The following TAFA2 variants were observed in gnomAD, a reference collection of about 807,000 sequenced individuals.
TAFA2 encodes the protein chemokine-like protein TAFA-2.
In TAFA2, 7 loss-of-function variants were observed where a neutral mutation model predicts 18.8. The observed-to-expected ratio is 0.37, with a 90% CI of 0.21 to 0.70. TAFA2 has a LOEUF of 0.70. TAFA2 is among the 30% of genes least tolerant of loss of function. TAFA2 has a pLI of 0.53. For synonymous variants in TAFA2, 60 were observed against 54.2 expected, an observed-to-expected ratio of 1.11 and a Z score of -0.47; for missense variants, 122 against 158.1, an observed-to-expected ratio of 0.77 and a Z score of 1.23.
intron 1 of TAFA2, among the ~76,000 whole-genome samples, chr12:62,174,441 T>C (rs1303040032): frequency 1.3e-5 from 2 of 151,996 alleles, no homozygotes; most frequent in Non-Finnish European, 2.9e-5. Flanking sequence ...AAAGAAAGTA[T>C]CATAGAAATA....
At chr12:62,009,726 C>T (rs973804610) in intron 1 of TAFA2, among the ~76,000 whole-genome samples, 3 of 152,154 alleles carry the variant, frequency 2.0e-5, no homozygotes, top group African/African-American at 7.2e-5. Flanking sequence ...CCTTGTTTTG[C>T]AGATGAGGAA....
At chr12:61,912,032 C>T (rs997293367) in intron 1 of TAFA2, among the ~76,000 whole-genome samples, 1 of 152,160 alleles carries the variant, frequency 6.6e-6, no homozygotes, top group Non-Finnish European at 1.5e-5. Context: ...CTGATAGTTG[C>T]AATTTATCAA....
chr12:62,010,658 T>A (rs1379157834), intron 1 of TAFA2, among the ~76,000 whole-genome samples: 2 of 151,148 alleles, frequency 1.3e-5, no homozygotes, highest in African/African-American at 4.9e-5. Context: ...CCGCCCTTAC[T>A]CTGGGAGGTG....
At chr12:62,214,041 C>T (rs1279757863) in intron 1 of TAFA2, among the ~76,000 whole-genome samples, 2 of 152,158 alleles carry the variant, frequency 1.3e-5, no homozygotes, top group African/African-American at 4.8e-5. Context: ...GAACTAAGAA[C>T]CTAATGAAAG....
intron 1 of TAFA2, among the ~76,000 whole-genome samples, chr12:62,009,106 T>C (rs184195879): frequency 1.3e-5 from 2 of 152,282 alleles, no homozygotes; most frequent in South Asian, 4.1e-4. Context: ...AATGAGAACT[T>C]CAGTATCTGG....
intron 1 of TAFA2, among the ~76,000 whole-genome samples, chr12:62,190,330 A>G (rs548450551): frequency 6.6e-6 from 1 of 152,278 alleles, no homozygotes; most frequent in African/African-American, 2.4e-5. Context: ...TTCCTTTGCA[A>G]AGCCAGTTTC....
rs140612320 is a variant in TAFA2 at position 61,954,540 on chromosome 12, A to AAC, written c.-1-87116_-1-87115dup. Among the ~76,000 whole-genome samples the AAC allele has an allele frequency of 4.8e-3, 729 of 151,014 alleles. 4 individuals carry two copies. The highest frequency in any genetic ancestry group is 0.012 in the African/African-American group (488 of 41,222). ...TGTGTAGTTACTAATTAAAACACAA[A>AAC]ACACACACACACACACACAAAATTT... On this transcript the variant is annotated intron_variant, in intron 1 of 4. Transcript: ENST00000416284.
intron 1 of TAFA2, among the ~76,000 whole-genome samples, chr12:61,940,842 G>T (rs1228180978): frequency 1.3e-5 from 2 of 152,094 alleles, no homozygotes; most frequent in East Asian, 3.9e-4. Flanking sequence ...GAATACTATG[G>T]TTATGAGCTT....
At chr12:62,014,227 T>C (rs532707911) in intron 1 of TAFA2, among the ~76,000 whole-genome samples, 199 of 152,328 alleles carry the variant, frequency 1.3e-3, no homozygotes, top group Middle Eastern at 3.4e-3. Context: ...AACACATTAG[T>C]GGACCAACTT....
chr12:61,889,083 G>A (rs544708176), intron 1 of TAFA2, among the ~76,000 whole-genome samples: 55 of 152,170 alleles, frequency 3.6e-4, no homozygotes, highest in African/African-American at 7.9e-4. Context: ...TTCATCTCCC[G>A]TCTACAGAGT....
intron 2 of TAFA2, among the ~76,000 whole-genome samples, chr12:61,857,408 T>G (rs1481075241): frequency 2.0e-5 from 3 of 152,200 alleles, no homozygotes; most frequent in Non-Finnish European, 2.9e-5. Flanking sequence ...GCCAGTATTT[T>G]CAGAGTGGTG....
chr12:62,165,996 CA>C (rs1307893576), intron 1 of TAFA2, among the ~76,000 whole-genome samples: 1 of 148,260 alleles, frequency 6.7e-6, no homozygotes, highest in Non-Finnish European at 1.5e-5. Context: ...ACAGAATTTG[CA>C]AAAATGATCT....
chr12:61,734,124 G>A (rs948524226), intron 4 of TAFA2, among the ~76,000 whole-genome samples: 1 of 150,486 alleles, frequency 6.6e-6, no homozygotes, highest in African/African-American at 2.4e-5. Flanking sequence ...CATTGATTTT[G>A]TATCCTGAGA....
intron 2 of TAFA2, among the ~76,000 whole-genome samples, chr12:61,784,005 G>A (rs989031696): frequency 6.6e-6 from 1 of 151,372 alleles, no homozygotes; most frequent in South Asian, 2.1e-4. Flanking sequence ...AGAAATAGGA[G>A]GCATAAAAAC....
At chr12:61,771,103 A>C (rs545147838) in intron 2 of TAFA2, among the ~76,000 whole-genome samples, 7 of 152,180 alleles carry the variant, frequency 4.6e-5, no homozygotes, top group African/African-American at 1.7e-4. Context: ...TTATTCTTAC[A>C]TCAGACAAAA....
At chr12:61,870,414 C>G (rs1874547594) in intron 1 of TAFA2, among the ~76,000 whole-genome samples, 1 of 152,168 alleles carries the variant, frequency 6.6e-6, no homozygotes, top group Non-Finnish European at 1.5e-5. Context: ...ATTTTGTTGA[C>G]TAAATGTAAT....
chr12:62,211,579 C>CAA (rs10708260), intron 1 of TAFA2, among the ~76,000 whole-genome samples: 13 of 128,204 alleles, frequency 1.0e-4, no homozygotes, highest in East Asian at 6.7e-4. Flanking sequence ...GGCTCCGTCT[C>CAA]AAAAAAAAAA....
At chr12:62,147,014 A>G (rs1042663948) in intron 1 of TAFA2, among the ~76,000 whole-genome samples, 1 of 151,860 alleles carries the variant, frequency 6.6e-6, no homozygotes, top group Non-Finnish European at 1.5e-5. Context: ...ATAAAGCTGC[A>G]TACCTACAAC....
intron 1 of TAFA2, among the ~76,000 whole-genome samples, chr12:62,257,167 T>TGTGTATATGTATATATACACA (rs2062944188): frequency 1.3e-5 from 1 of 76,706 alleles, no homozygotes; most frequent in East Asian, 6.5e-4. Context: ...TATATATGTG[T>TGTGTATATGTATATATACACA]GTGTGTGTGT....
Sources: gnomAD v4.1 joint callset for allele counts (sites outside exome capture counted in the v4.1 genomes callset) on GRCh38, gnomAD v4.1.1 for gene constraint, MANE v1.5 for transcripts, NCBI Gene and HGNC (gene_info 2026-07-23, HGNC 2026-07-21) for gene names.